Variants in DPY19L2 observed in about 807,000 individuals in gnomAD.
The protein encoded by DPY19L2 is probable C-mannosyltransferase DPY19L2.
DPY19L2 carries 34 observed loss-of-function variants against 97.9 expected under a neutral mutation model. The ratio of observed to expected loss-of-function variants is 0.35; its 90% confidence interval spans 0.26 to 0.46. The LOEUF (loss-of-function observed/expected upper bound fraction) is 0.46, where lower values mean the gene tolerates loss of function less well. Ranked by LOEUF, DPY19L2 falls within the 20% of genes least tolerant of loss-of-function variation. The pLI, the probability that DPY19L2 is intolerant of heterozygous loss-of-function variation, is 1.00. For synonymous variants in DPY19L2, 230 were observed against 307.9 expected (o/e 0.75, Z 2.65); for missense variants, 623 against 911.4 (o/e 0.68, Z 4.07).
intron 3 of DPY19L2, among the ~76,000 whole-genome samples, chr12:63,662,672 C>T (rs539429198): frequency 5.9e-5 from 9 of 152,198 alleles, no homozygotes; most frequent in Non-Finnish European, 1.0e-4. Flanking sequence ...TTCAATAAAG[C>T]GCAGAACTGC....
intron 21 of DPY19L2, among the ~76,000 whole-genome samples, chr12:63,566,682 C>T (rs1877773084): frequency 6.6e-6 from 1 of 151,890 alleles, no homozygotes; most frequent in Non-Finnish European, 1.5e-5. Flanking sequence ...ATTATTTAAT[C>T]ATTCACCTTG....
chr12:63,592,290 T>C (rs1157232586), intron 16 of DPY19L2, among the ~76,000 whole-genome samples: 1 of 151,276 alleles, frequency 6.6e-6, no homozygotes, highest in Admixed American at 6.6e-5. Flanking sequence ...AAAAACTACT[T>C]TCAAGTTCAT....
intron 7 of DPY19L2, among the ~76,000 whole-genome samples, chr12:63,625,993 A>G (rs1889473834): frequency 6.7e-6 from 1 of 148,440 alleles, no homozygotes; most frequent in Non-Finnish European, 1.5e-5. Flanking sequence ...TATAATTTAT[A>G]AAATATAAAT....
At chr12:63,644,022 T>C (rs1893057323) in intron 6 of DPY19L2, among the ~76,000 whole-genome samples, 1 of 152,162 alleles carries the variant, frequency 6.6e-6, no homozygotes, top group South Asian at 2.1e-4. Context: ...CTGCCACATG[T>C]GATTCACAAT....
chr12:63,584,019 A>T, intron 16 of DPY19L2, 183 bp from the exon 17 acceptor site: 1 of 559,884 alleles, frequency 1.8e-6, no homozygotes. Flanking sequence ...TTTAAAAGTC[A>T]TAATTTATAG....
intron 19 of DPY19L2, among the ~76,000 whole-genome samples, chr12:63,579,839 G>C (rs1880551439): frequency 6.6e-6 from 1 of 151,952 alleles, no homozygotes; most frequent in African/African-American, 2.4e-5. Context: ...CCTTAATGAA[G>C]GTTAATTAGC....
In DPY19L2 at chr12:63,580,809, G is replaced by A. The variant is rs748677303; in HGVS notation, c.1753C>T (p.Arg585Cys). Residue 585 changes from arginine (R) to cysteine (C), a missense_variant, in exon 19 of 22, where the codon CGT becomes TGT. Around this residue, in one of 6 missense-constraint regions of DPY19L2, gnomAD observed 294 missense variants for 446.2 expected, o/e 0.66. Coordinates refer to ENST00000324472, the MANE Select transcript of DPY19L2 (RefSeq NM_173812.5). Reference protein sequence around the residue: ...QLFGWLFRRVRFEKVIFGILT... With the variant: ...QLFGWLFRRVCFEKVIFGILT... ...ATGCCAAAGATAACCTTCTCAAAACGAACTCTGCGAAAAAGCCAGCCAAAG... is the reference window on the plus strand; with the variant it reads ...ATGCCAAAGATAACCTTCTCAAAACAAACTCTGCGAAAAAGCCAGCCAAAG... 23 of 1,611,190 alleles carry A rather than the reference G, an allele frequency of 1.4e-5. No individual in the cohort carries two copies. The highest frequency in any genetic ancestry group is 1.7e-4 in the Middle Eastern group (1 of 6,052).
chr12:63,612,791 G>T (rs1565766431), intron 11 of DPY19L2, among the ~76,000 whole-genome samples: 14 of 149,290 alleles, frequency 9.4e-5, no homozygotes, highest in Non-Finnish European at 1.5e-5. Context: ...AGACTGATCA[G>T]AAAAAAAAAT....
At chr12:63,621,670 G>A (rs149511304) in intron 8 of DPY19L2, among the ~76,000 whole-genome samples, 5 of 152,236 alleles carry the variant, frequency 3.3e-5, no homozygotes, top group Non-Finnish European at 7.4e-5. Flanking sequence ...CACTGCCCCT[G>A]CACACCTCAA....
At chr12:63,576,971 A>G (rs1282467865) in intron 19 of DPY19L2, among the ~76,000 whole-genome samples, 2 of 152,130 alleles carry the variant, frequency 1.3e-5, no homozygotes, top group Non-Finnish European at 2.9e-5. Flanking sequence ...GACCTAGAAT[A>G]GCCAAAGCTA....
chr12:63,641,918 C>A (rs544307805), intron 6 of DPY19L2, among the ~76,000 whole-genome samples: 3 of 152,192 alleles, frequency 2.0e-5, no homozygotes, highest in Non-Finnish European at 2.9e-5. Context: ...ATATGTCCAC[C>A]TGTGGTGGAT....
intron 8 of DPY19L2, among the ~76,000 whole-genome samples, chr12:63,621,587 C>T (rs1457006508): frequency 1.3e-5 from 2 of 152,046 alleles, no homozygotes; most frequent in Admixed American, 1.3e-4. Flanking sequence ...AATACAAAAG[C>T]TCTTTTTCCT....
intron 16 of DPY19L2, among the ~76,000 whole-genome samples, chr12:63,584,582 T>C (rs28372640): frequency 2.6e-5 from 4 of 152,230 alleles, no homozygotes; most frequent in Non-Finnish European, 4.4e-5. Flanking sequence ...CTACCTGGGA[T>C]ATGACTCACC....
chr12:63,560,381 T>C lies in DPY19L2; in HGVS notation c.*131A>G, dbSNP rs1211660038. The C allele has an allele frequency of 3.4e-6, 4 of 1,172,674 alleles. No homozygotes were observed. The highest frequency in any genetic ancestry group is 4.6e-6 in the Non-Finnish European group (4 of 872,146). The allele number at this position is 1,172,674 out of a possible 1,614,324, so 72.6% of individuals were successfully genotyped here. On this transcript the variant is annotated 3_prime_UTR_variant, in exon 22 of 22. Transcript: ENST00000324472. Reference sequence around the variant, plus strand: ...TTACCTTTTAGTAATCAGAAAAATTTCCAATCCATTTTTATCTTATTTTTA... The same window carrying C: ...TTACCTTTTAGTAATCAGAAAAATTCCCAATCCATTTTTATCTTATTTTTA...
intron 7 of DPY19L2, among the ~76,000 whole-genome samples, chr12:63,625,018 T>C (rs1407270348): frequency 6.6e-6 from 1 of 152,178 alleles, no homozygotes. Context: ...TTTAAAATAA[T>C]ATATATAAGG....
intron 21 of DPY19L2, among the ~76,000 whole-genome samples, chr12:63,568,013 A>G (rs1315573346): frequency 1.3e-5 from 2 of 151,774 alleles, no homozygotes; most frequent in Non-Finnish European, 1.5e-5. Flanking sequence ...CGGATCTCTA[A>G]GTTAGTAGCT....
At chr12:63,654,271 T>C (rs551256860) in intron 4 of DPY19L2, among the ~76,000 whole-genome samples, 1 of 152,242 alleles carries the variant, frequency 6.6e-6, no homozygotes, top group South Asian at 2.1e-4. Flanking sequence ...CAGCAACAGA[T>C]TGTAATAAAT....
intron 6 of DPY19L2, 24 bp downstream of exon 6, chr12:63,644,379 C>T (rs756760420): frequency 4.4e-6 from 7 of 1,593,680 alleles, no homozygotes; most frequent in Non-Finnish European, 6.0e-6. Flanking sequence ...ACTGAAAGGT[C>T]TCTTAATTCA....
intron 16 of DPY19L2, among the ~76,000 whole-genome samples, chr12:63,585,822 G>T (rs1235347840): frequency 6.6e-6 from 1 of 151,876 alleles, no homozygotes; most frequent in African/African-American, 2.4e-5. Flanking sequence ...TCCAATTATT[G>T]TTTTCACAGA....
Sources: allele counts gnomAD v4.1 joint callset (sites outside exome capture counted in the v4.1 genomes callset), GRCh38; gene constraint gnomAD v4.1.1; regional missense constraint gnomAD v4.1.1; transcripts MANE v1.5; gene names NCBI Gene and HGNC (gene_info 2026-07-23, HGNC 2026-07-21).